Variants in SPTBN5 observed in about 807,000 individuals in gnomAD.
SPTBN5 encodes spectrin beta, non-erythrocytic 5, also known as spectrin beta chain, non-erythrocytic 5.
Under a neutral mutation model 477.6 loss-of-function variants are expected in SPTBN5, and 513 were observed. The observed-to-expected ratio is 1.07, with a 90% CI of 1.00 to 1.16. The LOEUF is 1.16. Ranked by LOEUF, SPTBN5 falls within the 50% of genes most tolerant of loss-of-function variation. The pLI is 0.00. For missense variants in SPTBN5, 5,062 were observed against 4,731.8 expected (o/e 1.07, Z -2.05); for synonymous variants, 2,169 against 2,011.7 (o/e 1.08, Z -2.09).
At position 41,866,024 on chromosome 15, in the gene SPTBN5, A is replaced by G. The variant is rs181152990; in HGVS notation, c.6822+14T>C. ...TCCCCCCATCTCTCAGCCCCCACCC[A>G]GCTGGGGCTACACCTTCTCCTGGAT... is the stretch of plus-strand genomic sequence containing the variant. On this transcript the variant is annotated intron_variant, in intron 38 of 67. Transcript: ENST00000320955. 398 of 1,550,716 alleles carry G rather than the reference A, an allele frequency of 2.6e-4. 2 individuals carry two copies. The African/African-American group carries it at 4.7e-3, about 18-fold the overall frequency.
In SPTBN5 at chr15:41,876,429, G is replaced by A. The variant is rs753659409; in HGVS notation, c.3951+119C>T. The A allele has an allele frequency of 7.5e-6, 10 of 1,336,868 alleles. No homozygotes were observed. The Admixed American group carries it at 1.0e-4, about 13-fold the overall frequency. The allele number at this position is 1,336,868 out of a possible 1,614,324, so 82.8% of individuals were successfully genotyped here. On this transcript the variant is annotated intron_variant, in intron 20 of 67. Transcript: ENST00000320955. ...CTGTGTTGCCTGCCTCACAGAAGGT[G>A]TTGAGAGGATGAATGACATAGCGCG...
intron 45 of SPTBN5, 53 bp downstream of exon 45, chr15:41,861,682 G>A (rs560719814): frequency 9.5e-5 from 144 of 1,513,096 alleles, no homozygotes; most frequent in Middle Eastern, 7.9e-4. Context: ...TGGGGTCAGC[G>A]CAGGCCCTGT....
At chr15:41,884,762 C>G (rs2067091984) in intron 7 of SPTBN5, among the ~76,000 whole-genome samples, 1 of 152,148 alleles carries the variant, frequency 6.6e-6, no homozygotes, top group Admixed American at 6.5e-5. Context: ...CCTCGTCACC[C>G]CTGTGCCCCC....
chr15:41,875,159 G>A lies in SPTBN5; in HGVS notation c.4288-103C>T, dbSNP rs577949219. The A allele has an allele frequency of 6.9e-5, 79 of 1,147,598 alleles. 1 individual carries two copies. In the South Asian group the frequency reaches 1.1e-3, roughly 16 times the overall value. The allele number at this position is 1,147,598 out of a possible 1,614,324, so 71.1% of individuals were successfully genotyped here. ...TGGACTTTTAGGACCAGATTCACCA[G>A]GGAGCTCTGTCCCCACCACTGCCAA... On this transcript the variant is annotated intron_variant, in intron 22 of 67. Coordinates refer to ENST00000320955, the MANE Select transcript of SPTBN5 (RefSeq NM_016642.4).
Position 41,876,652 on chromosome 15 carries a change from A to AGG in SPTBN5, c.3852-7_3852-6dup. The AGG allele has an allele frequency of 2.3e-6, 1 of 433,902 alleles. No individual in the cohort carries two copies. Among genetic ancestry groups the AGG allele is most frequent in the South Asian group, 2.1e-5 (1 of 48,586 alleles). 26.9% of individuals were successfully genotyped at this position (433,902 alleles called of 1,614,324 possible). A position where few individuals can be genotyped will look rare whatever the true frequency, so the allele number is the denominator to read the frequency against. ...CTCTGCAGCTGCTCTCTGACCCTGG[A>AGG]GGGCGGGGGGGGGTTGGAGGAGGGC... On this transcript the variant is annotated splice_polypyrimidine_tract_variant and splice_region_variant and intron_variant, in intron 19 of 67. Coordinates refer to ENST00000320955, the MANE Select transcript of SPTBN5 (RefSeq NM_016642.4).
At position 41,873,865 on chromosome 15, in the gene SPTBN5, G is replaced by C. The variant is rs370013381; in HGVS notation, c.4870C>G (p.Gln1624Glu). 5 of 1,610,852 alleles carry C rather than the reference G, an allele frequency of 3.1e-6. No homozygotes were observed. Among genetic ancestry groups the C allele is most frequent in the Non-Finnish European group, 4.2e-6 (5 of 1,179,892 alleles). The part of the protein sequence containing the change: ...ACEARAQCLQ[Q>E]AVTFQQYFLD... ...CCTACCTGCTGGAAAGTGACAGCCTGCTGCAGACACTGGGCCCGCGCTTCA... is the reference window on the plus strand; with the variant it reads ...CCTACCTGCTGGAAAGTGACAGCCTCCTGCAGACACTGGGCCCGCGCTTCA... Residue 1624 changes from glutamine to glutamate, a missense_variant, in exon 25 of 68, where the codon CAG becomes GAG. Physicochemically the swap from Gln to Glu is conservative, Grantham distance 29. Transcript: ENST00000320955.
At chr15:41,876,988 G>C in intron 18 of SPTBN5, 40 bp from the exon 19 acceptor site, 4 of 1,583,862 alleles carry the variant, frequency 2.5e-6, no homozygotes, top group South Asian at 1.1e-5. Context: ...TGGGAGAATG[G>C]GGGTCAGGAC....
chr15:41,851,504 G>T (rs1351649600), intron 63 of SPTBN5, 135 bp from the exon 64 acceptor site: 1 of 559,800 alleles, frequency 1.8e-6, no homozygotes, highest in East Asian at 3.4e-5. Context: ...TGGGGAAAGG[G>T]AAGCCACAGA....
chr15:41,873,777 C>T (rs920050862), intron 25 of SPTBN5, 68 bp downstream of exon 25: 2 of 1,583,278 alleles, frequency 1.3e-6, no homozygotes, highest in African/African-American at 2.7e-5. Flanking sequence ...CCTGAGAGTC[C>T]CACAGGTGGC....
Position 41,880,195 on chromosome 15 carries a change from C to A in SPTBN5, c.2776G>T (p.Ala926Ser). 1 of 1,605,808 alleles carries A rather than the reference C, an allele frequency of 6.2e-7. No individual in the cohort carries two copies. The highest frequency in any genetic ancestry group is 8.5e-7 in the Non-Finnish European group (1 of 1,176,752). ...AGCTGCATGACCTCCAGGGTGTCAG[C>A]CTGGGGCTGCACCCTTTGGAGCAGC... ...TVLLQRVQPQ[A>S]DTLEVMQLKY... Residue 926 changes from alanine to serine, a missense_variant, in exon 14 of 68, where the codon GCT (alanine) becomes TCT (serine). Physicochemically the swap from Ala to Ser is moderately conservative, Grantham distance 99. Transcript: ENST00000320955.
chr15:41,871,739 C>T, intron 28 of SPTBN5, 43 bp downstream of exon 28: 1 of 1,490,964 alleles, frequency 6.7e-7, no homozygotes, highest in South Asian at 1.4e-5. Flanking sequence ...ACCCCATAGG[C>T]TCTGCCTCAG....
At chr15:41,893,853 G>A (rs921227905) in intron 1 of SPTBN5, 46 bp downstream of exon 1, 5 of 351,904 alleles carry the variant, frequency 1.4e-5, no homozygotes, top group East Asian at 1.1e-4. Context: ...CCACAGAGAC[G>A]GCTCTGCTGG....
rs1301269739 is a variant in SPTBN5, at chr15:41,868,172, T to C, written c.6104A>G (p.Tyr2035Cys). ...RALQDQRDQV[Y>C]QTWARKQERL... ...CTCTTGCTTCCGTGCCCAGGTCTGA[T>C]ACACCTGGTCCCGCTGGTCCTGCAG... The change falls in exon 34 of 68, where the codon TAT (tyrosine) becomes TGT (cysteine). Residue 2035 changes from tyrosine (Y) to cysteine (C), a missense_variant. By Grantham distance (194) the Tyr-to-Cys change is radical. Coordinates refer to ENST00000320955, the MANE Select transcript of SPTBN5 (RefSeq NM_016642.4). The C allele has an allele frequency of 4.4e-6, 7 of 1,586,170 alleles. No individual in the cohort carries two copies. The highest frequency in any genetic ancestry group is 6.0e-6 in the Non-Finnish European group (7 of 1,166,632).
In SPTBN5 at chr15:41,857,580, G is replaced by A; in HGVS notation, c.8357C>T (p.Ala2786Val). The change falls in exon 50 of 68, where the codon GCC becomes GTC. Residue 2786 changes from alanine to valine, a missense_variant. By Grantham distance (64) the Ala-to-Val change is moderately conservative. Coordinates refer to ENST00000320955, the MANE Select transcript of SPTBN5 (RefSeq NM_016642.4). ...CGGCCTGCACAACCTCACCTCACAG[G>A]CCTTCTGGAGCTTGGCCACCTTCTT... ...SQKKVAKLQKACEALRLRRSM... is the reference protein window; with the variant it reads ...SQKKVAKLQKVCEALRLRRSM... 1 of 1,609,552 alleles carries A rather than the reference G, an allele frequency of 6.2e-7. No homozygotes were observed. The highest frequency in any genetic ancestry group is 8.5e-7 in the Non-Finnish European group (1 of 1,178,110).
chr15:41,880,442 C>G (rs1330902381), intron 13 of SPTBN5, 130 bp from the exon 14 acceptor site: 1 of 963,810 alleles, frequency 1.0e-6, no homozygotes, highest in Non-Finnish European at 1.5e-6. Context: ...AGAGGGGGTC[C>G]CTGCCTCACT....
At position 41,862,531 on chromosome 15, in the gene SPTBN5, G is replaced by T; in HGVS notation, c.7385+8C>A. On this transcript the variant is annotated splice_region_variant and intron_variant, in intron 43 of 67. Transcript: ENST00000320955. ...GGGTCGGCGAGGGCAAGGCCTGCGG[G>T]TTCATACCGCTTCTGGGCCCTGCTC... The T allele has an allele frequency of 6.3e-7, 1 of 1,579,904 alleles. No individual in the cohort carries two copies. Among genetic ancestry groups the T allele is most frequent in the Non-Finnish European group, 8.6e-7 (1 of 1,162,290 alleles).
intron 7 of SPTBN5, among the ~76,000 whole-genome samples, chr15:41,885,362 G>T (rs1410031624): frequency 6.6e-6 from 1 of 152,080 alleles, no homozygotes; most frequent in East Asian, 1.9e-4. Flanking sequence ...CACATGCTAT[G>T]AATTTTTCTT....
chr15:41,889,137 GC>G (rs1489597463), intron 4 of SPTBN5, among the ~76,000 whole-genome samples: 1 of 152,356 alleles, frequency 6.6e-6, no homozygotes, highest in East Asian at 1.9e-4. Flanking sequence ...CTGGCCAGGG[GC>G]CTGAGGAGGT....
Position 41,884,927 on chromosome 15 carries a change from G to A in SPTBN5, c.1520+808C>T, listed in dbSNP as rs576122405. On this transcript the variant is annotated intron_variant, in intron 7 of 67. Coordinates refer to ENST00000320955, the MANE Select transcript of SPTBN5 (RefSeq NM_016642.4). ...TCTCCCACGTCTGCATGGCCAGCTC[G>A]TCACTTCTTTCTGGTTTTTACTTAG... is the stretch of plus-strand genomic sequence containing the variant. Among the ~76,000 whole-genome samples, 5 of 152,322 alleles carry A rather than the reference G, an allele frequency of 3.3e-5. No homozygotes were observed. In the South Asian group the frequency reaches 6.2e-4, roughly 19 times the overall value.
Sources: allele counts gnomAD v4.1 joint callset (sites outside exome capture counted in the v4.1 genomes callset), GRCh38; gene constraint gnomAD v4.1.1; transcripts MANE v1.5; gene names NCBI Gene and HGNC (gene_info 2026-07-23, HGNC 2026-07-21).